CADPS2: variants seen among roughly 807,000 people sequenced by gnomAD.
CADPS2 encodes calcium dependent secretion activator 2, also known as calcium-dependent secretion activator 2.
Under a neutral mutation model 172.5 loss-of-function variants are expected in CADPS2, and 93 were observed. The observed-to-expected ratio is 0.54, with a 90% CI of 0.46 to 0.64. The LOEUF (loss-of-function observed/expected upper bound fraction) is 0.64, where lower values mean the gene tolerates loss of function less well. CADPS2 is among the 30% of genes least tolerant of loss of function. The pLI is 0.00. For synonymous variants in CADPS2, 546 were observed against 555.2 expected (o/e 0.98, Z 0.23); for missense variants, 1,420 against 1,565.9 (o/e 0.91, Z 1.57).
intron 24 of CADPS2, 166 bp from the exon 25 acceptor site, chr7:122,379,608 C>T: frequency 1.8e-6 from 1 of 570,720 alleles, no homozygotes; most frequent in Non-Finnish European, 3.2e-6. Flanking sequence ...CCAGTCAACA[C>T]TTTTTACATT....
chr7:122,427,114 T>A (rs1185249806), intron 17 of CADPS2: 1 of 136,038 alleles, frequency 7.4e-6, no homozygotes, highest in Admixed American at 7.7e-5. Flanking sequence ...AGACATTACA[T>A]AAATGCCGTG....
At chr7:122,529,331 A>G (rs548907929) in intron 8 of CADPS2, among the ~76,000 whole-genome samples, 2 of 149,910 alleles carry the variant, frequency 1.3e-5, no homozygotes, top group African/African-American at 5.1e-5. Flanking sequence ...TACAAATGAA[A>G]GAGGCATAAA....
At chr7:122,763,902 T>C (rs960594673) in intron 1 of CADPS2, among the ~76,000 whole-genome samples, 2 of 152,142 alleles carry the variant, frequency 1.3e-5, no homozygotes. Flanking sequence ...TTATATGACA[T>C]GGGATTTATT....
At chr7:122,796,806 G>A (rs1354524974) in intron 1 of CADPS2, among the ~76,000 whole-genome samples, 2 of 151,376 alleles carry the variant, frequency 1.3e-5, no homozygotes, top group Non-Finnish European at 1.5e-5. Context: ...AAAGAGCAAT[G>A]GGCAATGATT....
intron 29 of CADPS2, among the ~76,000 whole-genome samples, chr7:122,324,172 TGTTA>T (rs745979424): frequency 6.6e-6 from 1 of 152,032 alleles, no homozygotes; most frequent in Non-Finnish European, 1.5e-5. Context: ...TAATTTTACT[TGTTA>T]TTTATGAGTA....
chr7:122,858,653 C>T (rs1368842809), intron 1 of CADPS2, among the ~76,000 whole-genome samples: 1 of 152,202 alleles, frequency 6.6e-6, no homozygotes, highest in Non-Finnish European at 1.5e-5. Context: ...AACAACATCT[C>T]AGAACCTGAT....
rs544012709 is a variant in CADPS2, at chr7:122,694,711, A to C, written c.454-31142T>G. On this transcript the variant is annotated intron_variant, in intron 2 of 29. Coordinates refer to ENST00000449022, the MANE Select transcript of CADPS2 (RefSeq NM_017954.11). ...ATTTAAAGATATTTCTGTGCTGGTAAGTGTATTAATTTATAATCTTTATTT... is the reference window on the plus strand; with the variant it reads ...ATTTAAAGATATTTCTGTGCTGGTACGTGTATTAATTTATAATCTTTATTT... Among the ~76,000 whole-genome samples, 7 of 152,358 alleles carry C rather than the reference A, an allele frequency of 4.6e-5. No homozygotes were observed. In the East Asian group the frequency reaches 1.3e-3, roughly 29 times the overall value.
intron 1 of CADPS2, among the ~76,000 whole-genome samples, chr7:122,807,073 C>T (rs1798938032): frequency 6.6e-6 from 1 of 152,196 alleles, no homozygotes; most frequent in African/African-American, 2.4e-5. Flanking sequence ...TTTCTTTCCT[C>T]GTTCCAGCAC....
At chr7:122,459,990 A>T (rs1324951696) in intron 14 of CADPS2, among the ~76,000 whole-genome samples, 69 of 152,214 alleles carry the variant, frequency 4.5e-4, no homozygotes, top group Non-Finnish European at 1.3e-4. Context: ...AATGATATTT[A>T]ACCTGAAATG....
chr7:122,605,303 T>TA (rs1433944854), intron 6 of CADPS2, among the ~76,000 whole-genome samples: 2 of 151,952 alleles, frequency 1.3e-5, no homozygotes, highest in Non-Finnish European at 2.9e-5. Context: ...ACTGAACTAG[T>TA]AAAAAAATTA....
chr7:122,425,721 T>C (rs1214785633), intron 17 of CADPS2, among the ~76,000 whole-genome samples: 1 of 152,350 alleles, frequency 6.6e-6, no homozygotes, highest in East Asian at 1.9e-4. Context: ...GTTCTTTATA[T>C]ATACATTGTA....
At chr7:122,862,759 T>C (rs1283200020) in intron 1 of CADPS2, among the ~76,000 whole-genome samples, 1 of 152,136 alleles carries the variant, frequency 6.6e-6, no homozygotes, top group Non-Finnish European at 1.5e-5. Context: ...CCCTTTTTGC[T>C]ATCCAGAAAT....
intron 28 of CADPS2, among the ~76,000 whole-genome samples, chr7:122,336,998 T>C (rs1009844245): frequency 1.3e-5 from 2 of 152,228 alleles, no homozygotes; most frequent in Non-Finnish European, 2.9e-5. Context: ...TAGTTTTCTA[T>C]GGCAGGAACA....
At chr7:122,787,398 T>C (rs1200803127) in intron 1 of CADPS2, among the ~76,000 whole-genome samples, 1 of 152,194 alleles carries the variant, frequency 6.6e-6, no homozygotes, top group East Asian at 1.9e-4. Context: ...ATTATAAAAC[T>C]TTCTGGATGA....
intron 1 of CADPS2, among the ~76,000 whole-genome samples, chr7:122,806,512 G>A (rs1164163609): frequency 6.6e-6 from 1 of 152,142 alleles, no homozygotes; most frequent in African/African-American, 2.4e-5. Flanking sequence ...CTTTAACACT[G>A]ACTTAAATAT....
intron 20 of CADPS2, among the ~76,000 whole-genome samples, chr7:122,404,550 T>C (rs1387804076): frequency 1.3e-5 from 2 of 152,124 alleles, no homozygotes; most frequent in Non-Finnish European, 2.9e-5. Flanking sequence ...TAGTTCTAGG[T>C]CCCTGAGGAA....
chr7:122,541,866 T>G (rs1317096800), intron 8 of CADPS2, among the ~76,000 whole-genome samples: 1 of 131,102 alleles, frequency 7.6e-6, no homozygotes, highest in Non-Finnish European at 1.7e-5. Flanking sequence ...TTTATATATA[T>G]GCATATATAT....
chr7:122,351,702 G>C (rs1233986942), intron 27 of CADPS2, among the ~76,000 whole-genome samples: 3 of 152,034 alleles, frequency 2.0e-5, no homozygotes, highest in Non-Finnish European at 4.4e-5. Context: ...TGTTACTTGA[G>C]TATAGTTGGT....
chr7:122,474,543 G>A, intron 12 of CADPS2, 26 bp from the exon 13 acceptor site: 1 of 1,603,580 alleles, frequency 6.2e-7, no homozygotes, highest in South Asian at 1.1e-5. Context: ...AGCATGTACA[G>A]TATATTTACT....
Sources: gnomAD v4.1 joint callset for allele counts (sites outside exome capture counted in the v4.1 genomes callset) on GRCh38, gnomAD v4.1.1 for gene constraint, MANE v1.5 for transcripts, NCBI Gene and HGNC (gene_info 2026-07-23, HGNC 2026-07-21) for gene names.